The following NRXN3 variants were observed in gnomAD, a reference collection of about 807,000 sequenced individuals.
NRXN3 encodes the protein neurexin 3.
In NRXN3, 32 loss-of-function variants were observed where a neutral mutation model predicts 137.6. The ratio of observed to expected loss-of-function variants is 0.23; its 90% CI spans 0.18 to 0.31. The LOEUF is 0.31. Among genes scored for constraint, NRXN3 ranks in the 10% least tolerant of loss-of-function variants. The probability of loss-of-function intolerance (pLI) is 1.00; values close to 1 mark genes in which losing one functional copy is unlikely to be tolerated. For missense variants in NRXN3, 1,574 were observed against 2,062.5 expected (o/e 0.76, Z 4.59); for synonymous variants, 798 against 784.5 (o/e 1.02, Z -0.29).
intron 6 of NRXN3, among the ~76,000 whole-genome samples, chr14:78,703,410 T>G (rs924717204): frequency 3.3e-5 from 5 of 152,172 alleles, no homozygotes; most frequent in Non-Finnish European, 1.5e-5. Flanking sequence ...ACAACACTTC[T>G]TAGTCATTCT....
At chr14:79,743,639 T>C (rs1379460256) in intron 19 of NRXN3, among the ~76,000 whole-genome samples, 1 of 152,180 alleles carries the variant, frequency 6.6e-6, no homozygotes, top group Admixed American at 6.6e-5. Context: ...CTTTTTTAGC[T>C]CATCTCAGGG....
At position 79,068,982 on chromosome 14, in the gene NRXN3, G is replaced by A. The variant is rs185459441; in HGVS notation, c.3262+80841G>A. 2.7e-3 allele frequency among the ~76,000 whole-genome samples: 411 copies of A among 152,138 alleles called. 2 individuals are homozygous for A. Among genetic ancestry groups the A allele is most frequent in the African/African-American group, 9.2e-3 (380 of 41,520 alleles). ...TTGATTAACTTGTTAATACTAGCAG[G>A]AGAGTTACTTTGTTGTATTCTAGGG... On this transcript the variant is annotated intron_variant, in intron 15 of 20. Coordinates refer to ENST00000335750, the MANE Select transcript of NRXN3 (RefSeq NM_001330195.2).
chr14:79,349,457 A>G (rs79020180), intron 15 of NRXN3, among the ~76,000 whole-genome samples: 2,726 of 151,864 alleles, frequency 0.018, 78 homozygotes, highest in African/African-American at 0.061. Context: ...AAGAAAGGAG[A>G]GCAAATACCT....
At chr14:78,988,175 T>A (rs950283076) in intron 15 of NRXN3, 34 bp downstream of exon 15, 2 of 1,612,524 alleles carry the variant, frequency 1.2e-6, no homozygotes, top group Non-Finnish European at 8.5e-7. Flanking sequence ...TGGAACTTTG[T>A]GAAGATGTTT....
At chr14:78,542,802 T>A (rs1453699123) in intron 4 of NRXN3, among the ~76,000 whole-genome samples, 1 of 152,210 alleles carries the variant, frequency 6.6e-6, no homozygotes, top group Non-Finnish European at 1.5e-5. Flanking sequence ...CTGGAGCTGT[T>A]ACTATTTGGC....
intron 9 of NRXN3, among the ~76,000 whole-genome samples, chr14:78,807,734 CAAAA>C (rs144921592): frequency 2.1e-4 from 24 of 111,718 alleles, no homozygotes; most frequent in African/African-American, 5.5e-4. Flanking sequence ...GATTCTGTCT[CAAAA>C]AAAAAAAAAA....
intron 16 of NRXN3, among the ~76,000 whole-genome samples, chr14:79,501,196 T>G (rs2096823137): frequency 2.0e-5 from 3 of 152,166 alleles, no homozygotes. Context: ...GTCCGATGCT[T>G]TCCAGACTGG....
intron 2 of NRXN3, among the ~76,000 whole-genome samples, chr14:78,250,796 T>C (rs1270529067): frequency 1.3e-5 from 2 of 152,194 alleles, no homozygotes; most frequent in Non-Finnish European, 2.9e-5. Flanking sequence ...TACCTCTGCT[T>C]CTGGGCTCCC....
chr14:79,251,578 G>A (rs938976286), intron 15 of NRXN3, among the ~76,000 whole-genome samples: 22 of 152,070 alleles, frequency 1.4e-4, no homozygotes, highest in Non-Finnish European at 2.9e-5. Context: ...TCGGATTATT[G>A]GATGACATCA....
chr14:78,999,851 T>C (rs1202422977), intron 15 of NRXN3, among the ~76,000 whole-genome samples: 2 of 152,202 alleles, frequency 1.3e-5, no homozygotes, highest in African/African-American at 4.8e-5. Context: ...TTGTGGTTTA[T>C]TTCACAAGAT....
chr14:78,641,517 AC>A (rs566399885), intron 4 of NRXN3, among the ~76,000 whole-genome samples: 6 of 152,156 alleles, frequency 3.9e-5, no homozygotes, highest in Non-Finnish European at 7.3e-5. Flanking sequence ...AGTGCCTCTT[AC>A]CCCATAACAT....
chr14:78,815,365 A>G lies in NRXN3; in HGVS notation c.2275+5021A>G, dbSNP rs187899585. Among the ~76,000 whole-genome samples, 37 of 152,238 alleles carry G rather than the reference A, an allele frequency of 2.4e-4. No individual in the cohort carries two copies. In the East Asian group the frequency reaches 5.8e-3, roughly 24 times the overall value. ...CATCATAGAGGTGCACAGTAATCTC[A>G]GAGATGTATGAAAATAACATCACAA... On this transcript the variant is annotated intron_variant, in intron 10 of 20. Coordinates refer to ENST00000335750, the MANE Select transcript of NRXN3 (RefSeq NM_001330195.2).
chr14:78,964,224 T>C (rs2099413329), intron 11 of NRXN3, among the ~76,000 whole-genome samples: 1 of 152,168 alleles, frequency 6.6e-6, no homozygotes, highest in Non-Finnish European at 1.5e-5. Flanking sequence ...TCTGAGCCAA[T>C]AGAGAAAATA....
chr14:79,788,249 C>T (rs781300207), intron 19 of NRXN3, among the ~76,000 whole-genome samples: 15 of 152,152 alleles, frequency 9.9e-5, no homozygotes, highest in Non-Finnish European at 1.0e-4. Context: ...TACTTCCCAC[C>T]GGGTTCCCTC....
intron 15 of NRXN3, among the ~76,000 whole-genome samples, chr14:79,009,568 A>G (rs2099567390): frequency 6.6e-6 from 1 of 152,140 alleles, no homozygotes; most frequent in Non-Finnish European, 1.5e-5. Flanking sequence ...ATTTTCCAGA[A>G]TATACAGAGC....
chr14:78,360,689 A>C (rs1352961741), intron 4 of NRXN3, among the ~76,000 whole-genome samples: 1 of 152,206 alleles, frequency 6.6e-6, no homozygotes, highest in Non-Finnish European at 1.5e-5. Flanking sequence ...GTTCAAGAAA[A>C]ATTAGCTTTT....
chr14:78,918,306 A>AG (rs1479436547), intron 10 of NRXN3, among the ~76,000 whole-genome samples: 1 of 138,802 alleles, frequency 7.2e-6, no homozygotes, highest in Admixed American at 7.0e-5. Flanking sequence ...AAAAAAAAAA[A>AG]AGAGAGAGAG....
chr14:79,754,485 TC>T lies in NRXN3; in HGVS notation c.4015-50626del, dbSNP rs1182680494. ...CCCTTGATGGATACAGAGGGAAGAC[TC>T]ACTCTCACTCTCTCTTGATATATAT... On this transcript the variant is annotated intron_variant, in intron 19 of 20. Coordinates refer to ENST00000335750, the MANE Select transcript of NRXN3 (RefSeq NM_001330195.2). Among the ~76,000 whole-genome samples the T allele has an allele frequency of 3.8e-5, 5 of 131,356 alleles. No homozygotes were observed. In the Admixed American group the frequency reaches 4.1e-4, roughly 11 times the overall value. 86.2% of individuals were successfully genotyped at this position (131,356 alleles called of 152,430 possible). A position where few individuals can be genotyped will look rare whatever the true frequency, so the allele number is the denominator to read the frequency against.
At chr14:79,834,710 C>T (rs1164139716) in intron 20 of NRXN3, among the ~76,000 whole-genome samples, 1 of 152,070 alleles carries the variant, frequency 6.6e-6, no homozygotes, top group Non-Finnish European at 1.5e-5. Flanking sequence ...GGAAAGTTTG[C>T]ATTCATTCCC....
Sources: gnomAD v4.1 joint callset for allele counts (sites outside exome capture counted in the v4.1 genomes callset) on GRCh38, gnomAD v4.1.1 for gene constraint, MANE v1.5 for transcripts, NCBI Gene and HGNC (gene_info 2026-07-23, HGNC 2026-07-21) for gene names.